The following CTNNBL1 variants were observed in gnomAD, a reference collection of about 807,000 sequenced individuals.
The protein encoded by CTNNBL1 is catenin beta like 1, also known as beta-catenin-like protein 1.
CTNNBL1 carries 31 observed loss-of-function variants against 72.7 expected under a neutral mutation model. That is an observed-to-expected ratio of 0.43 (90% CI 0.32 to 0.58). The LOEUF (loss-of-function observed/expected upper bound fraction) is 0.58, where lower values mean the gene tolerates loss of function less well. CTNNBL1 is among the 20% of genes least tolerant of loss of function. The pLI is 0.08. For missense variants in CTNNBL1, 534 were observed against 725.1 expected, an observed-to-expected ratio of 0.74 and a Z score of 3.03; for synonymous variants, 240 against 267.3, an observed-to-expected ratio of 0.90 and a Z score of 1.00.
chr20:37,754,894 A>G (rs560735453), intron 4 of CTNNBL1, among the ~76,000 whole-genome samples: 1 of 151,772 alleles, frequency 6.6e-6, no homozygotes, highest in South Asian at 2.1e-4. Flanking sequence ...TGCAGCCTCC[A>G]ACTCCTGGGT....
intron 7 of CTNNBL1, chr20:37,777,140 A>T: frequency 1.9e-6 from 1 of 513,372 alleles, no homozygotes; most frequent in Admixed American, 3.2e-5. Context: ...GGGCATTAAG[A>T]GTGTGAGAGC....
Position 37,694,109 on chromosome 20 carries a change from C to G in CTNNBL1, c.-14C>G. On this transcript the variant is annotated 5_prime_UTR_variant, in exon 1 of 16. Transcript: ENST00000361383. ...TGAGTGCAGGGAAGTGGAGTATTTG[C>G]TGGGCCGGGTACCATGGACGTGGGC... 1.2e-6 allele frequency: 2 copies of G among 1,604,968 alleles called. No homozygotes were observed. Among genetic ancestry groups the G allele is most frequent in the Non-Finnish European group, 1.7e-6 (2 of 1,176,222 alleles).
chr20:37,781,759 A>G (rs1043434775), intron 10 of CTNNBL1, among the ~76,000 whole-genome samples: 3 of 152,178 alleles, frequency 2.0e-5, no homozygotes, highest in Admixed American at 6.5e-5. Context: ...ATTCAAGACT[A>G]TGAAGCTGTA....
intron 4 of CTNNBL1, among the ~76,000 whole-genome samples, chr20:37,748,396 G>A (rs1479829791): frequency 6.6e-6 from 1 of 152,182 alleles, no homozygotes; most frequent in Non-Finnish European, 1.5e-5. Context: ...GTTCTGGGTT[G>A]TATAAGAACC....
chr20:37,724,012 G>C (rs923363712), intron 1 of CTNNBL1, among the ~76,000 whole-genome samples: 3 of 152,290 alleles, frequency 2.0e-5, no homozygotes, highest in African/African-American at 7.2e-5. Flanking sequence ...TGTAACTTCT[G>C]GGTCAGGCCA....
At chr20:37,788,417 T>C (rs920405074) in intron 10 of CTNNBL1, among the ~76,000 whole-genome samples, 2 of 152,194 alleles carry the variant, frequency 1.3e-5, no homozygotes, top group Admixed American at 1.3e-4. Flanking sequence ...ACCGTGTTCA[T>C]AGACCCAAAG....
At position 37,785,416 on chromosome 20, in the gene CTNNBL1, T is replaced by C. The variant is rs56308785; in HGVS notation, c.1031+6081T>C. On this transcript the variant is annotated intron_variant, in intron 10 of 15. Coordinates refer to ENST00000361383, the MANE Select transcript of CTNNBL1 (RefSeq NM_030877.5). ...ACTATTTGATTTGCCCTTTTGAGGC[T>C]ATTGTCTAGATCTTGTAGGTGTGCT... 4.4e-3 allele frequency among the ~76,000 whole-genome samples: 676 copies of C among 152,378 alleles called. 3 individuals are homozygous for C. Among genetic ancestry groups the C allele is most frequent in the Non-Finnish European group, 6.3e-3 (432 of 68,040 alleles).
chr20:37,706,874 T>G (rs895300101), intron 1 of CTNNBL1, among the ~76,000 whole-genome samples: 4 of 152,250 alleles, frequency 2.6e-5, no homozygotes, highest in Non-Finnish European at 1.5e-5. Flanking sequence ...TTGAAATTAC[T>G]CTTTGATCCA....
chr20:37,858,050 A>T (rs996918643), intron 13 of CTNNBL1, among the ~76,000 whole-genome samples: 1 of 152,202 alleles, frequency 6.6e-6, no homozygotes, highest in Admixed American at 6.5e-5. Flanking sequence ...AGTTTTAATT[A>T]GCTGAGTGTG....
chr20:37,749,922 A>G (rs1295221197), intron 4 of CTNNBL1: 2 of 152,236 alleles, frequency 1.3e-5, no homozygotes, highest in East Asian at 1.9e-4. Flanking sequence ...ACACCTTAGC[A>G]TGAATAAACA....
At chr20:37,763,842 T>C (rs2073440275) in intron 5 of CTNNBL1, among the ~76,000 whole-genome samples, 1 of 152,222 alleles carries the variant, frequency 6.6e-6, no homozygotes, top group Non-Finnish European at 1.5e-5. Flanking sequence ...GTGAAAGATG[T>C]GAGAATTACA....
chr20:37,765,185 C>T lies in CTNNBL1; in HGVS notation c.565-12C>T, dbSNP rs2122661132. ...GACATCCCTCTCTCCTTTTGCTTCGCTATTCTTGCAGGTGGATGGGCAGGT... is the reference window on the plus strand; with the variant it reads ...GACATCCCTCTCTCCTTTTGCTTCGTTATTCTTGCAGGTGGATGGGCAGGT... On this transcript the variant is annotated splice_polypyrimidine_tract_variant and intron_variant, in intron 5 of 15. Transcript: ENST00000361383. 5 of 1,545,386 alleles carry T rather than the reference C, an allele frequency of 3.2e-6. No homozygotes were observed. The East Asian group carries it at 1.2e-4, about 38-fold the overall frequency.
intron 1 of CTNNBL1, among the ~76,000 whole-genome samples, chr20:37,725,898 C>T (rs2073080184): frequency 1.3e-5 from 2 of 151,912 alleles, no homozygotes; most frequent in African/African-American, 2.4e-5. Context: ...ACAGGAGAAT[C>T]GCTTGAACCC....
chr20:37,720,794 C>G (rs994330759), intron 1 of CTNNBL1, among the ~76,000 whole-genome samples: 1 of 152,190 alleles, frequency 6.6e-6, no homozygotes, highest in Non-Finnish European at 1.5e-5. Context: ...ATGAACAAGG[C>G]ACTCTTAGGT....
At chr20:37,799,462 A>T (rs1555829392) in intron 10 of CTNNBL1, among the ~76,000 whole-genome samples, 1 of 152,122 alleles carries the variant, frequency 6.6e-6, no homozygotes, top group Non-Finnish European at 1.5e-5. Context: ...CTGTACAGCC[A>T]CCACTCCCAA....
chr20:37,698,500 A>G (rs1236444825), intron 1 of CTNNBL1, among the ~76,000 whole-genome samples: 1 of 152,222 alleles, frequency 6.6e-6, no homozygotes, highest in African/African-American at 2.4e-5. Context: ...CTTGGAAAGC[A>G]GCACCAGTCC....
At chr20:37,719,436 A>G (rs771814327) in intron 1 of CTNNBL1, among the ~76,000 whole-genome samples, 3 of 152,206 alleles carry the variant, frequency 2.0e-5, no homozygotes, top group African/African-American at 4.8e-5. Context: ...GGAAGGCTCA[A>G]TAATCCTCCA....
intron 14 of CTNNBL1, 97 bp downstream of exon 14, chr20:37,860,133 G>C (rs1041211014): frequency 1.3e-6 from 2 of 1,517,284 alleles, no homozygotes; most frequent in South Asian, 1.2e-5. Flanking sequence ...AGGGGGTCAC[G>C]CTCTCCTTGA....
At chr20:37,783,328 T>G (rs187187511) in intron 10 of CTNNBL1, among the ~76,000 whole-genome samples, 1 of 152,204 alleles carries the variant, frequency 6.6e-6, no homozygotes, top group Non-Finnish European at 1.5e-5. Flanking sequence ...TTAATTTTGT[T>G]GATCTTTTTT....
Sources: allele counts gnomAD v4.1 joint callset (sites outside exome capture counted in the v4.1 genomes callset), GRCh38; gene constraint gnomAD v4.1.1; transcripts MANE v1.5; gene names NCBI Gene and HGNC (gene_info 2026-07-23, HGNC 2026-07-21).